Variants in CNIH3 observed in about 807,000 individuals in gnomAD.
CNIH3 encodes cornichon family AMPA receptor auxiliary protein 3.
In CNIH3, 14 loss-of-function variants were observed where a neutral mutation model predicts 24.1. The observed-to-expected ratio is 0.58, with a 90% CI of 0.38 to 0.91. CNIH3 has a LOEUF of 0.91. Ranked by LOEUF, CNIH3 falls within the 40% of genes least tolerant of loss-of-function variation. The pLI is 0.00. For missense variants in CNIH3, 178 were observed against 196.8 expected, an observed-to-expected ratio of 0.90 and a Z score of 0.57; for synonymous variants, 68 against 73.8, an observed-to-expected ratio of 0.92 and a Z score of 0.40.
At chr1:224,434,895 A>C (rs1272304062) in intron 1 of CNIH3, 42 of 982,894 alleles carry the variant, frequency 4.3e-5, no homozygotes, top group Non-Finnish European at 5.1e-5. Flanking sequence ...GTCACCCAGC[A>C]CGTGCATCGG....
chr1:224,590,154 C>T (rs775204812), downstream of CNIH3, among the ~76,000 whole-genome samples: 12 of 152,170 alleles, frequency 7.9e-5, no homozygotes, highest in South Asian at 2.1e-4. Flanking sequence ...GGATTACAGA[C>T]GCGAGCCATC....
chr1:224,560,741 T>G (rs1490312200), intron 3 of CNIH3, among the ~76,000 whole-genome samples: 1 of 151,986 alleles, frequency 6.6e-6, no homozygotes, highest in Admixed American at 6.6e-5. Context: ...GATTCTACAT[T>G]ATGGTGAGTT....
chr1:224,737,829 AC>A (rs1410496824), intron 5 of CNIH3, among the ~76,000 whole-genome samples: 1 of 152,136 alleles, frequency 6.6e-6, no homozygotes, highest in African/African-American at 2.4e-5. Context: ...GGCACCCATC[AC>A]CCCACTTCTC....
chr1:224,621,287 T>A (rs1683265871), intron 1 of CNIH3, among the ~76,000 whole-genome samples: 1 of 152,230 alleles, frequency 6.6e-6, no homozygotes, highest in South Asian at 2.1e-4. Flanking sequence ...GATGTCTTCA[T>A]GGTGGAGTGT....
intron 1 of CNIH3, among the ~76,000 whole-genome samples, chr1:224,645,731 A>G (rs1361377968): frequency 6.6e-6 from 1 of 152,218 alleles, no homozygotes. Context: ...AAAGAAAAGC[A>G]CATCCAAGCT....
At chr1:224,709,450 C>A (rs1688010118) in intron 3 of CNIH3, among the ~76,000 whole-genome samples, 1 of 152,198 alleles carries the variant, frequency 6.6e-6, no homozygotes, top group African/African-American at 2.4e-5. Context: ...AGCCGAAGAA[C>A]CATGTGGTAT....
chr1:224,455,223 G>A (rs545022762), intron 1 of CNIH3, among the ~76,000 whole-genome samples: 2 of 152,254 alleles, frequency 1.3e-5, no homozygotes, highest in South Asian at 4.1e-4. Context: ...CTCAAAGTAT[G>A]GTTTCTACTG....
At position 224,704,251 on chromosome 1, in the gene CNIH3, C is replaced by A. The variant is rs1309103997; in HGVS notation, c.198+19408C>A. 3.3e-5 allele frequency among the ~76,000 whole-genome samples: 5 copies of A among 152,170 alleles called. No individual in the cohort carries two copies. The highest frequency in any genetic ancestry group is 5.9e-5 in the Non-Finnish European group (4 of 68,032). On this transcript the variant is annotated intron_variant, in intron 3 of 5. Coordinates refer to ENST00000272133, the MANE Select transcript of CNIH3 (RefSeq NM_152495.2). The surrounding 1 kb of genome is among the most constrained non-coding windows in gnomAD (Gnocchi z 4.2). ...GACACAGCCCCTTCTCTCCTAGAAG[C>A]AGAGGCACGGGAACAATGAGAAGGC...
At chr1:224,631,656 C>A (rs1348275944) in intron 1 of CNIH3, among the ~76,000 whole-genome samples, 7 of 152,068 alleles carry the variant, frequency 4.6e-5, no homozygotes, top group African/African-American at 1.7e-4. Context: ...AAGCTGACAC[C>A]ACCTCCCACC....
At chr1:224,514,326 G>A (rs1161926450), upstream of CNIH3, among the ~76,000 whole-genome samples, 2 of 151,946 alleles carry the variant, frequency 1.3e-5, no homozygotes, top group Admixed American at 1.3e-4. Context: ...TCAGACCTGG[G>A]CACTAGATAA....
rs374974213 is a variant in CNIH3, at chr1:224,471,780, C to T, written n.203+36918C>T. 1.0e-3 allele frequency among the ~76,000 whole-genome samples: 158 copies of T among 152,024 alleles called. 2 individuals carry two copies. In the South Asian group the frequency reaches 0.016, roughly 15 times the overall value. On this transcript the variant is annotated intron_variant and non_coding_transcript_variant, in intron 1 of 5. Transcript: ENST00000471578. The stretch of plus-strand genomic sequence containing the variant: ...AATTTTTTTGTATTTTTAGTAGAGA[C>T]GGGCTTTCACCATCTTGGCCAGGCT...
chr1:224,705,817 TTC>T (rs1384339683), intron 3 of CNIH3, among the ~76,000 whole-genome samples: 1 of 151,844 alleles, frequency 6.6e-6, no homozygotes, highest in Non-Finnish European at 1.5e-5. Flanking sequence ...TTTTTTCTCT[TTC>T]TCTTTTTCTT....
At chr1:224,700,062 G>A (rs971096270) in intron 3 of CNIH3, among the ~76,000 whole-genome samples, 2 of 152,088 alleles carry the variant, frequency 1.3e-5, no homozygotes, top group African/African-American at 2.4e-5. Context: ...GTAGGAAGGC[G>A]GATATTTTGT....
intron 1 of CNIH3, chr1:224,661,589 T>G: frequency 2.6e-6 from 1 of 380,378 alleles, no homozygotes. Flanking sequence ...AAAAATTCCC[T>G]GAAGACATCA....
At chr1:224,498,247 G>A (rs1175104657) in intron 1 of CNIH3, among the ~76,000 whole-genome samples, 1 of 152,160 alleles carries the variant, frequency 6.6e-6, no homozygotes, top group Non-Finnish European at 1.5e-5. Flanking sequence ...GCTCTCTTAG[G>A]ATTAGGCTAA....
intron 3 of CNIH3, among the ~76,000 whole-genome samples, chr1:224,609,732 G>A (rs1345946956): frequency 6.6e-6 from 1 of 152,182 alleles, no homozygotes; most frequent in Non-Finnish European, 1.5e-5. Flanking sequence ...GGGGCAAGAG[G>A]AGGCTCACAG....
intron 3 of CNIH3, among the ~76,000 whole-genome samples, chr1:224,721,106 G>A (rs1688700055): frequency 6.6e-6 from 1 of 152,048 alleles, no homozygotes; most frequent in South Asian, 2.1e-4. Flanking sequence ...TTTGTCCTCT[G>A]GCTTCCGTGT....
intron 1 of CNIH3, among the ~76,000 whole-genome samples, chr1:224,501,292 A>T (rs1183114412): frequency 6.6e-6 from 1 of 152,104 alleles, no homozygotes; most frequent in East Asian, 1.9e-4. Context: ...GGGCAATAAT[A>T]CTATCATTAT....
chr1:224,739,569 C>G lies in CNIH3; in HGVS notation c.*213C>G. 1 of 866,552 alleles carries G rather than the reference C, an allele frequency of 1.2e-6. No individual in the cohort carries two copies. The allele number at this position is 866,552 out of a possible 1,614,324, so 53.7% of individuals were successfully genotyped here. A position where few individuals can be genotyped will look rare whatever the true frequency, so the allele number is the denominator to read the frequency against. ...TGTCACCCTGTTTGTCAATCTTTGGCATTCGAATTCCACACACGGGGTCCT... is the reference window on the plus strand; with the variant it reads ...TGTCACCCTGTTTGTCAATCTTTGGGATTCGAATTCCACACACGGGGTCCT... On this transcript the variant is annotated 3_prime_UTR_variant, in exon 6 of 6. Transcript: ENST00000272133.
Sources: allele counts gnomAD v4.1 joint callset (sites outside exome capture counted in the v4.1 genomes callset), GRCh38; gene constraint gnomAD v4.1.1; non-coding constraint Gnocchi (gnomAD v3.1); transcripts MANE v1.5; gene names NCBI Gene and HGNC (gene_info 2026-07-23, HGNC 2026-07-21).